The following FOXP2 variants were observed in gnomAD, a reference collection of about 807,000 sequenced individuals.
The protein encoded by FOXP2 is forkhead box protein P2.
A neutral mutation model predicts 115.8 loss-of-function variants in FOXP2; 12 were observed. The ratio of observed to expected loss-of-function variants is 0.10; its 90% CI spans 0.07 to 0.17. The LOEUF (loss-of-function observed/expected upper bound fraction) is 0.17. Among genes scored for constraint, FOXP2 ranks in the 10% least tolerant of loss-of-function variants. FOXP2 has a pLI of 1.00. For missense variants in FOXP2, 629 were observed against 843.5 expected (o/e 0.75, Z 3.15); for synonymous variants, 328 against 297.7 (o/e 1.10, Z -1.05).
chr7:114,554,063 C>A (rs1800338780), intron 3 of FOXP2, among the ~76,000 whole-genome samples: 1 of 151,894 alleles, frequency 6.6e-6, no homozygotes, highest in South Asian at 2.1e-4. Context: ...ACAGAGGATA[C>A]CAAAAATGTA....
intron 16 of FOXP2, among the ~76,000 whole-genome samples, chr7:114,682,974 A>G (rs1808173250): frequency 6.6e-6 from 1 of 152,164 alleles, no homozygotes; most frequent in Admixed American, 6.6e-5. Context: ...TTCCTCTGAT[A>G]TTATATTGAT....
intron 2 of FOXP2, among the ~76,000 whole-genome samples, chr7:114,375,806 CT>C (rs1199106570): frequency 6.6e-6 from 1 of 152,156 alleles, no homozygotes; most frequent in African/African-American, 2.4e-5. Context: ...TGAAAACAGA[CT>C]GGAAAATCTG....
At chr7:114,093,213 T>C (rs1425397294) in intron 1 of FOXP2, among the ~76,000 whole-genome samples, 2 of 152,134 alleles carry the variant, frequency 1.3e-5, no homozygotes, top group African/African-American at 2.4e-5. Flanking sequence ...ATAAGCTGAC[T>C]CCTACTCCAG....
At position 114,328,391 on chromosome 7, in the gene FOXP2, C is replaced by T. The variant is rs527795095; in HGVS notation, c.-11+40282C>T. On this transcript the variant is annotated intron_variant, in intron 2 of 17. Coordinates refer to the FOXP2 transcript ENST00000634411. ...AGCTGGGACTACAGGTGCCCGCCAC[C>T]ACGCCCGGCAAATTTTTTGTATTTT... is the stretch of plus-strand genomic sequence containing the variant. 2.4e-4 allele frequency among the ~76,000 whole-genome samples: 36 copies of T among 152,068 alleles called. 2 individuals are homozygous for T. The South Asian group carries it at 7.3e-3, about 31-fold the overall frequency.
intron 2 of FOXP2, among the ~76,000 whole-genome samples, chr7:114,500,575 C>G (rs1797525583): frequency 6.6e-6 from 1 of 151,978 alleles, no homozygotes; most frequent in Non-Finnish European, 1.5e-5. Context: ...TAAGAAATAT[C>G]ATTATCCACA....
rs1454425975 is a variant in FOXP2, at chr7:114,608,417, A to C, written c.259-20123A>C. 2.0e-5 allele frequency among the ~76,000 whole-genome samples: 3 copies of C among 152,212 alleles called. No individual in the cohort carries two copies. The East Asian group carries it at 5.8e-4, about 29-fold the overall frequency. ...GCTACCGTCTTCATAGGCAGTTCACAGCATGACAGCTTACTTCTTCAAGGC... is the reference window on the plus strand; with the variant it reads ...GCTACCGTCTTCATAGGCAGTTCACCGCATGACAGCTTACTTCTTCAAGGC... On this transcript the variant is annotated intron_variant, in intron 3 of 16. Coordinates refer to ENST00000350908, the MANE Select transcript of FOXP2 (RefSeq NM_014491.4).
intron 3 of FOXP2, among the ~76,000 whole-genome samples, chr7:114,549,900 A>G (rs999411895): frequency 1.3e-5 from 2 of 152,150 alleles, no homozygotes; most frequent in Admixed American, 6.5e-5. Flanking sequence ...CAAAACTGTT[A>G]TGAAAGGTTT....
intron 2 of FOXP2, among the ~76,000 whole-genome samples, chr7:114,345,128 G>T (rs181490046): frequency 1.8e-3 from 271 of 151,698 alleles, no homozygotes; most frequent in African/African-American, 6.2e-3. Flanking sequence ...TACAATTTTT[G>T]CAACAGTTTC....
At chr7:114,155,981 G>A (rs1792656430) in intron 1 of FOXP2, among the ~76,000 whole-genome samples, 1 of 152,058 alleles carries the variant, frequency 6.6e-6, no homozygotes, top group Non-Finnish European at 1.5e-5. Context: ...ACACTTGGGA[G>A]GGGAGCATGT....
intron 2 of FOXP2, among the ~76,000 whole-genome samples, chr7:114,513,172 A>T (rs1330943711): frequency 6.6e-6 from 1 of 152,190 alleles, no homozygotes; most frequent in Admixed American, 6.5e-5. Flanking sequence ...CAGTTTGAGG[A>T]GATTTAATGA....
At chr7:114,551,748 A>G (rs1800220198) in intron 3 of FOXP2, among the ~76,000 whole-genome samples, 1 of 152,202 alleles carries the variant, frequency 6.6e-6, no homozygotes, top group Non-Finnish European at 1.5e-5. Context: ...TTACATTAAA[A>G]AGATTATCAT....
chr7:114,507,070 ACT>A (rs1243623630), intron 2 of FOXP2, among the ~76,000 whole-genome samples: 1 of 151,910 alleles, frequency 6.6e-6, no homozygotes, highest in African/African-American at 2.4e-5. Context: ...AAAAATAAAT[ACT>A]GTTGATGTTT....
At chr7:114,485,294 T>A (rs538579888) in intron 2 of FOXP2, among the ~76,000 whole-genome samples, 14 of 152,138 alleles carry the variant, frequency 9.2e-5, no homozygotes, top group African/African-American at 3.4e-4. Context: ...TCAACCTGAA[T>A]AATTGTAAGC....
At chr7:114,217,113 T>C (rs989934304) in intron 1 of FOXP2, among the ~76,000 whole-genome samples, 1 of 152,010 alleles carries the variant, frequency 6.6e-6, no homozygotes, top group Admixed American at 6.5e-5. Flanking sequence ...TAGGAGATAA[T>C]ATCTTCCAGT....
chr7:114,226,432 G>C (rs1408315346), intron 1 of FOXP2, among the ~76,000 whole-genome samples: 1 of 152,102 alleles, frequency 6.6e-6, no homozygotes, highest in African/African-American at 2.4e-5. Flanking sequence ...TGTGAAACTT[G>C]AAACTCTTCA....
intron 3 of FOXP2, among the ~76,000 whole-genome samples, chr7:114,566,509 C>T (rs57392046): frequency 0.093 from 14,161 of 152,058 alleles, 715 homozygotes; most frequent in Middle Eastern, 0.16. Context: ...TGTTTCCTCT[C>T]TCACCACGTG....
intron 2 of FOXP2, among the ~76,000 whole-genome samples, chr7:114,375,306 G>C (rs867770056): frequency 2.9e-4 from 44 of 152,116 alleles, no homozygotes; most frequent in Middle Eastern, 3.4e-3. Context: ...CTTCCTCCTC[G>C]AGAGTATAAT....
chr7:114,205,221 G>C (rs1261935398), intron 1 of FOXP2, among the ~76,000 whole-genome samples: 3 of 152,108 alleles, frequency 2.0e-5, no homozygotes, highest in African/African-American at 7.2e-5. Flanking sequence ...ATTTCTTGAG[G>C]GTGGGAAATG....
At chr7:114,688,436 A>G (rs1808490662) in intron 16 of FOXP2, among the ~76,000 whole-genome samples, 1 of 152,186 alleles carries the variant, frequency 6.6e-6, no homozygotes, top group Non-Finnish European at 1.5e-5. Flanking sequence ...TACCTTTTAA[A>G]ATTCAAAGTT....
Sources: gnomAD v4.1 joint callset for allele counts (sites outside exome capture counted in the v4.1 genomes callset) on GRCh38, gnomAD v4.1.1 for gene constraint, MANE v1.5 for transcripts, NCBI Gene and HGNC (gene_info 2026-07-23, HGNC 2026-07-21) for gene names.